The following HIP1R variants were observed in gnomAD, a reference collection of about 807,000 sequenced individuals.
The protein encoded by HIP1R is huntingtin interacting protein 1 related, also known as huntingtin-interacting protein 1-related protein.
HIP1R carries 135 observed loss-of-function variants against 144.2 expected under a neutral mutation model. The ratio of observed to expected loss-of-function variants is 0.94; its 90% CI spans 0.81 to 1.08. HIP1R has a LOEUF of 1.08. Among genes scored for constraint, HIP1R ranks in the 50% least tolerant of loss-of-function variants. HIP1R has a pLI of 0.00. For synonymous variants in HIP1R, 698 were observed against 612.8 expected (o/e 1.14, Z -2.05); for missense variants, 1,462 against 1,432.8 (o/e 1.02, Z -0.33).
chr12:122,860,695 G>A lies in HIP1R; in HGVS notation c.2677G>A (p.Val893Met). The change falls in exon 28 of 32, where the codon GTG (valine) becomes ATG (methionine). Residue 893 changes from valine to methionine, a missense_variant. Coordinates refer to ENST00000253083, the MANE Select transcript of HIP1R (RefSeq NM_003959.3). ...ATQLVEAADK[V>M]VLHTGKYEEL... is the part of the protein sequence containing the mutation. ...GACCCGCAGGGAGGCAGCTGACAAG[G>A]TGGTGCTTCACACGGGCAAGTATGA... The A allele has an allele frequency of 6.2e-7, 1 of 1,613,408 alleles. No homozygotes were observed. Among genetic ancestry groups the A allele is most frequent in the Non-Finnish European group, 8.5e-7 (1 of 1,179,982 alleles).
chr12:122,851,694 A>AAAAG (rs144939214), intron 7 of HIP1R, among the ~76,000 whole-genome samples: 21,067 of 149,012 alleles, frequency 0.14, 2,278 homozygotes, highest in African/African-American at 0.29. Flanking sequence ...AAAAAAAAAA[A>AAAAG]AAAGAAAAAG....
intron 7 of HIP1R, among the ~76,000 whole-genome samples, chr12:122,853,024 A>G (rs2033445723): frequency 6.6e-6 from 1 of 152,124 alleles, no homozygotes; most frequent in Non-Finnish European, 1.5e-5. Context: ...CATCACAGGC[A>G]AGGCAGGAGC....
Position 122,848,827 on chromosome 12 carries a change from A to G in HIP1R, c.332A>G (p.Asn111Ser), listed in dbSNP as rs776776573. 1.2e-6 allele frequency: 2 copies of G among 1,613,300 alleles called. No homozygotes were observed. Among genetic ancestry groups the G allele is most frequent in the Non-Finnish European group, 1.7e-6 (2 of 1,180,012 alleles). The change falls in exon 4 of 32, where the codon AAC (asparagine) becomes AGC (serine). Residue 111 changes from asparagine (N) to serine (S), a missense_variant. By Grantham distance (46) the Asn-to-Ser change is conservative. Coordinates refer to ENST00000253083, the MANE Select transcript of HIP1R (RefSeq NM_003959.3). ...VLHDCQRYRS[N>S]IREIGDLWGH... is the part of the protein sequence containing the mutation. ...CATGACTGCCAGCGGTACCGCAGCAACATCCGGGAGATTGGAGACCTGTGG... is the reference window on the plus strand; with the variant it reads ...CATGACTGCCAGCGGTACCGCAGCAGCATCCGGGAGATTGGAGACCTGTGG...
At position 122,858,869 on chromosome 12, in the gene HIP1R, C is replaced by T. The variant is rs1313184194; in HGVS notation, c.2082C>T (p.Arg694=). ...CCGCCCTGGTGGCAGCTCTGACCCG[C>T]TTCTCCCACCTGGCTGCGGATACCA... ...DASALVAALT[R]FSHLAADTII... The change falls in exon 21 of 32, where the codon CGC becomes CGT. Residue 694 remains arginine, a synonymous_variant. Transcript: ENST00000253083. The T allele has an allele frequency of 1.9e-6, 3 of 1,613,294 alleles. No homozygotes were observed. The Admixed American group carries it at 5.0e-5, about 27-fold the overall frequency.
chr12:122,860,086 CTGTGA>C lies in HIP1R; in HGVS notation c.2496+10_2496+14del. 6.3e-7 allele frequency: 1 copy of C among 1,577,574 alleles called. No individual in the cohort carries two copies. Among genetic ancestry groups the C allele is most frequent in the East Asian group, 2.2e-5 (1 of 44,568 alleles). ...GCACAGACCTGATGAAGGTGAGGGG[CTGTGA>C]CCCGGGGGGGTCTGCACCTGGAGGG... On this transcript the variant is annotated intron_variant, in intron 25 of 31. Coordinates refer to ENST00000253083, the MANE Select transcript of HIP1R (RefSeq NM_003959.3).
At chr12:122,843,414 CG>C (rs1364024688) in intron 1 of HIP1R, among the ~76,000 whole-genome samples, 1 of 152,208 alleles carries the variant, frequency 6.6e-6, no homozygotes, top group Admixed American at 6.5e-5. Context: ...GCTGTCTGCT[CG>C]GGGGCCCAGT....
Position 122,840,255 on chromosome 12 carries a change from T to G in HIP1R, c.93+4612T>G, listed in dbSNP as rs1030670548. Among the ~76,000 whole-genome samples the G allele has an allele frequency of 6.6e-6, 1 of 152,246 alleles. No homozygotes were observed. The highest frequency in any genetic ancestry group is 1.5e-5 in the Non-Finnish European group (1 of 68,048). ...CCCCCTCCCTGTCTCTGATGTGTTTTGATGCCCATGACACATTCCTGAGCG... is the reference window on the plus strand; with the variant it reads ...CCCCCTCCCTGTCTCTGATGTGTTTGGATGCCCATGACACATTCCTGAGCG... On this transcript the variant is annotated intron_variant, in intron 1 of 31. Transcript: ENST00000253083. This position sits in a 1 kb window ranked among gnomAD's most constrained non-coding sequence, Gnocchi z 4.2.
rs2033661229 is a variant in HIP1R, at chr12:122,858,388, TGA to T, written c.2005_2006del (p.Ser669HisfsTer126). On this transcript the variant is annotated frameshift_variant, in exon 20 of 32. Transcript: ENST00000253083. LOFTEE classifies it high-confidence loss of function. ...AGGGCCCAGGAGGCCTTGGATGCCG[TGA>T]GCACCCTGGAGGAGGGCCACGCCCA... 1 of 1,611,122 alleles carries T rather than the reference TGA, an allele frequency of 6.2e-7. No individual in the cohort carries two copies. The highest frequency in any genetic ancestry group is 1.1e-5 in the South Asian group (1 of 90,884).
chr12:122,854,360 C>T (rs2033497433), intron 8 of HIP1R, among the ~76,000 whole-genome samples, 177 bp downstream of exon 8: 1 of 142,494 alleles, frequency 7.0e-6, no homozygotes, highest in Admixed American at 6.9e-5. Context: ...AAAAAAAAAC[C>T]CACTACTTTA....
chr12:122,856,659 A>G lies in HIP1R; in HGVS notation c.1553A>G (p.Lys518Arg). The part of the protein sequence containing the change: ...EEKSDQLEKL[K>R]RELEAKAGEL... ...AAGAGCGACCAGCTGGAGAAGCTCA[A>G]GAGGGAGCTGGAGGCCAAGGCCGGA... The change falls in exon 17 of 32, where the codon AAG becomes AGG. Residue 518 changes from lysine (K) to arginine (R), a missense_variant. By Grantham distance (26) the Lys-to-Arg change is conservative. Coordinates refer to ENST00000253083, the MANE Select transcript of HIP1R (RefSeq NM_003959.3). 6.2e-7 allele frequency: 1 copy of G among 1,604,540 alleles called. No individual in the cohort carries two copies. Among genetic ancestry groups the G allele is most frequent in the Non-Finnish European group, 8.5e-7 (1 of 1,175,832 alleles).
rs764394770 is a variant in HIP1R at position 122,856,268 on chromosome 12, C to G, written c.1325C>G (p.Ala442Gly). Reference sequence around the variant, plus strand: ...CTCTCGCCCCCAGGGAAGGCCAGTGCCACGGAGGCGCGCTACAACAAGCTG... The same window carrying G: ...CTCTCGCCCCCAGGGAAGGCCAGTGGCACGGAGGCGCGCTACAACAAGCTG... ...LREEAERKAS[A>G]TEARYNKLKE... Residue 442 changes from alanine (A) to glycine (G), a missense_variant, in exon 15 of 32, where the codon GCC becomes GGC. Around this residue, in one of 2 missense-constraint regions of HIP1R, gnomAD observed 1,112 missense variants for 1,011.7 expected, o/e 1.10. Coordinates refer to ENST00000253083, the MANE Select transcript of HIP1R (RefSeq NM_003959.3). The G allele has an allele frequency of 1.6e-5, 26 of 1,613,784 alleles. No homozygotes were observed. The highest frequency in any genetic ancestry group is 2.2e-5 in the Non-Finnish European group (26 of 1,179,966).
rs191500443 is a variant in HIP1R, at chr12:122,860,086, C to T, written c.2496+9C>T. ...GCACAGACCTGATGAAGGTGAGGGG[C>T]TGTGACCCGGGGGGGTCTGCACCTG... On this transcript the variant is annotated intron_variant, in intron 25 of 31. Coordinates refer to ENST00000253083, the MANE Select transcript of HIP1R (RefSeq NM_003959.3). 23 of 1,577,574 alleles carry T rather than the reference C, an allele frequency of 1.5e-5. No individual in the cohort carries two copies. In the African/African-American group the frequency reaches 1.5e-4, roughly 10 times the overall value.
At position 122,849,874 on chromosome 12, in the gene HIP1R, G is replaced by C; in HGVS notation, c.358-1G>C. ...CCCTCACCCTGTCTGTCTTCACACA[G>C]GGACATTTGCATGACCGCTACGGAC... is the stretch of plus-strand genomic sequence containing the variant. On this transcript the variant is annotated splice_acceptor_variant, in intron 4 of 31. Transcript: ENST00000253083. LOFTEE classifies it high-confidence loss of function. 6.2e-7 allele frequency: 1 copy of C among 1,611,894 alleles called. No homozygotes were observed. Among genetic ancestry groups the C allele is most frequent in the Non-Finnish European group, 8.5e-7 (1 of 1,178,584 alleles).
intron 4 of HIP1R, among the ~76,000 whole-genome samples, chr12:122,849,222 G>T (rs2033302399): frequency 6.6e-6 from 1 of 152,264 alleles, no homozygotes; most frequent in African/African-American, 2.4e-5. Flanking sequence ...TGCATTTTGA[G>T]CACACACACA....
At chr12:122,843,724 G>A (rs1314506491) in intron 1 of HIP1R, among the ~76,000 whole-genome samples, 1 of 152,184 alleles carries the variant, frequency 6.6e-6, no homozygotes, top group Admixed American at 6.5e-5. Flanking sequence ...TTCGAGACCC[G>A]AAAAGCTGCA....
intron 7 of HIP1R, 89 bp from the exon 8 acceptor site, chr12:122,853,954 C>T: frequency 2.0e-6 from 3 of 1,468,390 alleles, no homozygotes; most frequent in Non-Finnish European, 1.8e-6. Flanking sequence ...TGGGAGCTGG[C>T]TTAGGGCCCT....
chr12:122,860,098 G>A, intron 25 of HIP1R, 21 bp downstream of exon 25: 2 of 1,579,596 alleles, frequency 1.3e-6, no homozygotes, highest in Non-Finnish European at 1.7e-6. Context: ...GTGACCCGGG[G>A]GGGTCTGCAC....
chr12:122,853,225 G>A (rs1355852856), intron 7 of HIP1R, among the ~76,000 whole-genome samples: 1 of 150,722 alleles, frequency 6.6e-6, no homozygotes, highest in Non-Finnish European at 1.5e-5. Context: ...ATTGTCAGGG[G>A]CAGGGGAGAC....
intron 5 of HIP1R, 69 bp downstream of exon 5, chr12:122,850,024 A>AG: frequency 9.8e-7 from 1 of 1,019,760 alleles, no homozygotes; most frequent in Non-Finnish European, 1.6e-6. Context: ...GTTATGGCAC[A>AG]TGTTGGGACA....
Sources: allele counts gnomAD v4.1 joint callset (sites outside exome capture counted in the v4.1 genomes callset), GRCh38; gene constraint gnomAD v4.1.1; regional missense constraint gnomAD v4.1.1; non-coding constraint Gnocchi (gnomAD v3.1); transcripts MANE v1.5; gene names NCBI Gene and HGNC (gene_info 2026-07-23, HGNC 2026-07-21).